MERTK: variants seen among roughly 807,000 people sequenced by gnomAD.
MERTK encodes the protein tyrosine-protein kinase Mer.
Under a neutral mutation model 99.3 loss-of-function variants are expected in MERTK, and 69 were observed. That is an observed-to-expected ratio of 0.70 (90% CI 0.57 to 0.85). MERTK has a LOEUF of 0.85. Ranked by LOEUF, MERTK falls within the 40% of genes least tolerant of loss-of-function variation. MERTK has a pLI of 0.00. For missense variants in MERTK, 1,125 were observed against 1,249.4 expected, an observed-to-expected ratio of 0.90 and a Z score of 1.50; for synonymous variants, 426 against 467.6, an observed-to-expected ratio of 0.91 and a Z score of 1.15.
intron 4 of MERTK, among the ~76,000 whole-genome samples, chr2:111,953,636 C>T (rs879934028): frequency 5.3e-5 from 8 of 152,136 alleles, no homozygotes; most frequent in East Asian, 1.9e-4. Context: ...AGTGCAATGG[C>T]GTGATCTCTG....
At chr2:111,951,213 A>G (rs1685048504) in intron 4 of MERTK, among the ~76,000 whole-genome samples, 1 of 151,860 alleles carries the variant, frequency 6.6e-6, no homozygotes, top group South Asian at 2.1e-4. Flanking sequence ...CTCTTAGCAA[A>G]TTTCCAGTAT....
At chr2:111,978,848 G>C (rs759629002) in intron 7 of MERTK, among the ~76,000 whole-genome samples, 1 of 152,184 alleles carries the variant, frequency 6.6e-6, no homozygotes, top group Non-Finnish European at 1.5e-5. Context: ...AGTTAAGCTA[G>C]TGGGAAACCG....
chr2:111,905,787 C>G (rs1319498911), intron 1 of MERTK, among the ~76,000 whole-genome samples: 1 of 152,078 alleles, frequency 6.6e-6, no homozygotes, highest in Admixed American at 6.6e-5. Context: ...ACACTCAATT[C>G]TAAAGCATTT....
At chr2:111,931,813 G>A (rs765211940) in intron 2 of MERTK, among the ~76,000 whole-genome samples, 6 of 152,288 alleles carry the variant, frequency 3.9e-5, no homozygotes, top group Non-Finnish European at 7.3e-5. Context: ...TGTCTCTCTG[G>A]ACTTGGCCAG....
chr2:112,014,292 A>G (rs1677170470), intron 15 of MERTK, among the ~76,000 whole-genome samples: 1 of 152,058 alleles, frequency 6.6e-6, no homozygotes, highest in Non-Finnish European at 1.5e-5. Flanking sequence ...AAGTGCTGGG[A>G]TTACAGGCAT....
Position 112,011,998 on chromosome 2 carries a change from G to A in MERTK, c.2079+1932G>A, listed in dbSNP as rs1308591530. Reference sequence around the variant, plus strand: ...TCAAATGCCCAGTGGGCCAGGCAGAGCCCAGTGGGGGCATAGGGGCAGGAA... The same window carrying A: ...TCAAATGCCCAGTGGGCCAGGCAGAACCCAGTGGGGGCATAGGGGCAGGAA... On this transcript the variant is annotated intron_variant, in intron 15 of 18. Transcript: ENST00000295408. 3.3e-5 allele frequency among the ~76,000 whole-genome samples: 5 copies of A among 152,324 alleles called. No homozygotes were observed. The East Asian group carries it at 9.7e-4, about 29-fold the overall frequency.
Position 111,970,121 on chromosome 2 carries a change from A to AT in MERTK, c.960+1877dup, listed in dbSNP as rs889644440. Among the ~76,000 whole-genome samples the AT allele has an allele frequency of 1.0e-3, 155 of 148,168 alleles. 1 individual carries two copies. Among genetic ancestry groups the AT allele is most frequent in the African/African-American group, 3.2e-3 (129 of 40,208 alleles). On this transcript the variant is annotated intron_variant, in intron 6 of 18. Coordinates refer to ENST00000295408, the MANE Select transcript of MERTK (RefSeq NM_006343.3). The stretch of plus-strand genomic sequence containing the variant: ...CCAGGAATGGTCTTTTTTGTGATTG[A>AT]TTTTTTTTAACACCTTTTTTTGAGA...
chr2:112,009,861 G>A, intron 14 of MERTK, 87 bp from the exon 15 acceptor site: 1 of 988,954 alleles, frequency 1.0e-6, no homozygotes, highest in South Asian at 1.3e-5. Context: ...GTAACACACG[G>A]CTTCAGTTTT....
chr2:111,974,686 T>C (rs1330650821), intron 6 of MERTK, among the ~76,000 whole-genome samples: 2 of 146,196 alleles, frequency 1.4e-5, no homozygotes, highest in African/African-American at 2.6e-5. Context: ...GGAGAATTGC[T>C]TGAATCCGGG....
Position 111,979,904 on chromosome 2 carries a change from C to G in MERTK, c.1145-2938C>G, listed in dbSNP as rs763093624. On this transcript the variant is annotated intron_variant, in intron 7 of 18. Coordinates refer to ENST00000295408, the MANE Select transcript of MERTK (RefSeq NM_006343.3). Reference sequence around the variant, plus strand: ...TGTTCTGTGTGGTTTTTTTTGGTCCCTGATATTCAGTGGGGAGGCTTCGCC... The same window carrying G: ...TGTTCTGTGTGGTTTTTTTTGGTCCGTGATATTCAGTGGGGAGGCTTCGCC... Among the ~76,000 whole-genome samples, 33 of 151,992 alleles carry G rather than the reference C, an allele frequency of 2.2e-4. 1 individual carries two copies.
At chr2:111,974,326 C>G (rs916462862) in intron 6 of MERTK, among the ~76,000 whole-genome samples, 4 of 151,520 alleles carry the variant, frequency 2.6e-5, no homozygotes, top group Non-Finnish European at 5.9e-5. Context: ...TCACTTGAAC[C>G]TGGGAGACGG....
chr2:112,021,307 T>C, intron 16 of MERTK, 115 bp from the exon 17 acceptor site: 1 of 1,449,192 alleles, frequency 6.9e-7, no homozygotes, highest in Non-Finnish European at 9.6e-7. Context: ...AGGCTGGTGG[T>C]GTCTCTGTGT....
chr2:111,909,612 A>G (rs994603353), intron 1 of MERTK, among the ~76,000 whole-genome samples: 2 of 152,216 alleles, frequency 1.3e-5, no homozygotes, highest in Non-Finnish European at 2.9e-5. Flanking sequence ...GACCTTAGTT[A>G]TAGATTAGAA....
At chr2:111,926,060 T>C (rs1573575387) in intron 1 of MERTK, among the ~76,000 whole-genome samples, 1 of 151,616 alleles carries the variant, frequency 6.6e-6, no homozygotes, top group African/African-American at 2.4e-5. Flanking sequence ...CTCGATCTCC[T>C]GACCTCGTGA....
At chr2:112,027,188 CA>C (rs906507137) in intron 18 of MERTK, among the ~76,000 whole-genome samples, 8 of 151,320 alleles carry the variant, frequency 5.3e-5, no homozygotes, top group Non-Finnish European at 1.5e-5. Flanking sequence ...CACACACACA[CA>C]CACACATTTT....
intron 16 of MERTK, 123 bp from the exon 17 acceptor site, chr2:112,021,299 G>C: frequency 7.2e-7 from 1 of 1,395,010 alleles, no homozygotes; most frequent in Admixed American, 1.7e-5. Flanking sequence ...ATGCTCACAG[G>C]CTGGTGGTGT....
At chr2:112,001,391 A>G in intron 11 of MERTK, 105 bp downstream of exon 11, 1 of 924,178 alleles carries the variant, frequency 1.1e-6, no homozygotes, top group East Asian at 2.5e-5. Flanking sequence ...TCGAAGAAGA[A>G]TGGATATTTT....
intron 1 of MERTK, 150 bp from the exon 2 acceptor site, chr2:111,928,970 C>A: frequency 1.3e-6 from 1 of 762,698 alleles, no homozygotes; most frequent in Non-Finnish European, 2.2e-6. Context: ...AAGAATATGT[C>A]CAGATGTGTG....
At chr2:112,020,572 T>C in intron 16 of MERTK, 1 of 471,106 alleles carries the variant, frequency 2.1e-6, no homozygotes, top group Non-Finnish European at 4.4e-6. Flanking sequence ...AATGCAGTTG[T>C]AGCCCTTTAA....
Sources: allele counts gnomAD v4.1 joint callset (sites outside exome capture counted in the v4.1 genomes callset), GRCh38; gene constraint gnomAD v4.1.1; transcripts MANE v1.5; gene names NCBI Gene and HGNC (gene_info 2026-07-23, HGNC 2026-07-21).